The following ACTR6 variants were observed in gnomAD, a reference collection of about 807,000 sequenced individuals.
ACTR6 encodes actin related protein 6.
ACTR6 carries 50 observed loss-of-function variants against 52.5 expected under a neutral mutation model. That is an observed-to-expected ratio of 0.95 (90% CI 0.76 to 1.20). ACTR6 has a LOEUF of 1.20. ACTR6 is among the 50% of genes most tolerant of loss of function. ACTR6 has a pLI of 0.00. For missense variants in ACTR6, 344 were observed against 472.4 expected (o/e 0.73, Z 2.52); for synonymous variants, 135 against 147.2 (o/e 0.92, Z 0.60).
intron 10 of ACTR6, among the ~76,000 whole-genome samples, chr12:100,220,720 C>T (rs860459): frequency 0.12 from 17,560 of 152,184 alleles, 1,297 homozygotes; most frequent in Middle Eastern, 0.19. Flanking sequence ...TAGGGCCAGG[C>T]GCAGTGGCTC....
intron 10 of ACTR6, chr12:100,221,937 T>G (rs1281895963): frequency 2.6e-5 from 4 of 151,412 alleles, no homozygotes; most frequent in African/African-American, 4.9e-5. Flanking sequence ...TTTTGGGGGG[T>G]TTTTAAAATT....
In ACTR6 at chr12:100,205,079, C is replaced by T. The variant is rs202129245; in HGVS notation, c.186+22C>T. The T allele has an allele frequency of 5.1e-4, 712 of 1,408,438 alleles. 2 individuals carry two copies. Among genetic ancestry groups the T allele is most frequent in the Admixed American group, 1.2e-3 (61 of 51,750 alleles). 87.2% of individuals were successfully genotyped at this position (1,408,438 alleles called of 1,614,324 possible). On this transcript the variant is annotated intron_variant, in intron 2 of 10. Transcript: ENST00000188312. Reference sequence around the variant, plus strand: ...AAAGGTAATCCAATTAATTATGTTTCATTTCTAGCATTGTAGACCTAAATT... The same window carrying T: ...AAAGGTAATCCAATTAATTATGTTTTATTTCTAGCATTGTAGACCTAAATT...
At chr12:100,210,476 T>A in intron 6 of ACTR6, 125 bp downstream of exon 6, 1 of 1,052,096 alleles carries the variant, frequency 9.5e-7, no homozygotes, top group South Asian at 1.5e-5. Context: ...CCCAGCACAT[T>A]GGGAGGCCGA....
intron 1 of ACTR6, 69 bp downstream of exon 1, chr12:100,200,988 C>T: frequency 1.2e-6 from 2 of 1,611,300 alleles, no homozygotes; most frequent in South Asian, 2.2e-5. Flanking sequence ...CGTTTCATCT[C>T]CGGACATCAA....
intron 1 of ACTR6, among the ~76,000 whole-genome samples, chr12:100,202,330 T>G (rs1392266430): frequency 2.0e-5 from 3 of 152,104 alleles, no homozygotes; most frequent in Non-Finnish European, 4.4e-5. Flanking sequence ...GGAAGGAAGC[T>G]AAATAATCAG....
rs150092854 is a variant in ACTR6 at position 100,212,470 on chromosome 12, C to G, written c.692C>G (p.Thr231Arg). 4 of 1,613,386 alleles carry G rather than the reference C, an allele frequency of 2.5e-6. No individual in the cohort carries two copies. Among genetic ancestry groups the G allele is most frequent in the Non-Finnish European group, 3.4e-6 (4 of 1,179,632 alleles). Residue 231 changes from threonine (T) to arginine (R), a missense_variant, in exon 8 of 11, where the codon ACA becomes AGA. Coordinates refer to ENST00000188312, the MANE Select transcript of ACTR6 (RefSeq NM_022496.5). ...TCCAGGTTGAAAGGAGAAGAAAATA[C>G]AGTAATGATAGACTATGTCTTGCCT... ...DIAKLKGEEN[T>R]VMIDYVLPDF...
In ACTR6 at chr12:100,205,015, A is replaced by C; in HGVS notation, c.144A>C (p.Ile48=). 1 of 1,611,612 alleles carries C rather than the reference A, an allele frequency of 6.2e-7. No individual in the cohort carries two copies. The highest frequency in any genetic ancestry group is 8.5e-7 in the Non-Finnish European group (1 of 1,178,070). The part of the protein sequence containing the change: ...KTFTANQIDE[I]KDPSGLFYIL... ...TTACTGCCAACCAGATAGATGAAAT[A>C]AAAGACCCTTCTGGACTCTTTTACA... Residue 48 remains isoleucine, a synonymous_variant, in exon 2 of 11, where the codon ATA becomes ATC. Transcript: ENST00000188312.
intron 8 of ACTR6, among the ~76,000 whole-genome samples, chr12:100,216,152 G>A (rs2096123729): frequency 6.6e-6 from 1 of 152,182 alleles, no homozygotes; most frequent in Non-Finnish European, 1.5e-5. Flanking sequence ...AATTGTACTG[G>A]AACTAACTTT....
At chr12:100,205,132 G>A in intron 2 of ACTR6, 75 bp downstream of exon 2, 1 of 964,916 alleles carries the variant, frequency 1.0e-6, no homozygotes, top group South Asian at 1.9e-5. Flanking sequence ...GTATATAAAA[G>A]GCTGTGTGTA....
chr12:100,207,590 T>A (rs2096115915), intron 3 of ACTR6, 73 bp from the exon 4 acceptor site: 20 of 1,258,848 alleles, frequency 1.6e-5, no homozygotes, highest in Non-Finnish European at 2.2e-5. Flanking sequence ...TAAATAAATT[T>A]GTTTGTACAT....
rs990107316 is a variant in ACTR6, at chr12:100,207,713, C to T, written c.306C>T (p.Phe102=). The T allele has an allele frequency of 1.9e-6, 3 of 1,587,390 alleles. No individual in the cohort carries two copies. The highest frequency in any genetic ancestry group is 1.1e-5 in the South Asian group (1 of 89,930). The part of the protein sequence containing the change: ...NIIITEPYFN[F]TSIQESMNEI... ...TTATCACTGAACCATACTTTAACTT[C>T]ACTTCAATTCAAGAATCAATGAATG... The change falls in exon 4 of 11, where the codon TTC becomes TTT. Residue 102 remains phenylalanine (F), a synonymous_variant. Transcript: ENST00000188312.
At chr12:100,203,239 T>C (rs892224457) in intron 1 of ACTR6, among the ~76,000 whole-genome samples, 2 of 152,154 alleles carry the variant, frequency 1.3e-5, no homozygotes, top group Admixed American at 6.5e-5. Flanking sequence ...CCACAAGCCC[T>C]GCGGTTGGGG....
intron 8 of ACTR6, among the ~76,000 whole-genome samples, chr12:100,212,788 T>G (rs1313314288): frequency 2.0e-5 from 3 of 152,102 alleles, no homozygotes; most frequent in Middle Eastern, 3.4e-3. Context: ...GGTGGATCAC[T>G]AGGTCAGGAG....
intron 1 of ACTR6, chr12:100,204,153 G>C (rs890765441): frequency 6.6e-6 from 1 of 152,066 alleles, no homozygotes; most frequent in Non-Finnish European, 1.5e-5. Context: ...AAATGGGGGA[G>C]GGGCATTTTT....
At chr12:100,211,489 C>A (rs569420000) in intron 6 of ACTR6, among the ~76,000 whole-genome samples, 2 of 152,144 alleles carry the variant, frequency 1.3e-5, no homozygotes, top group South Asian at 2.1e-4. Flanking sequence ...CCCAAGCTGG[C>A]CTTAAACTCG....
At position 100,223,862 on chromosome 12, in the gene ACTR6, G is replaced by A. The variant is rs1156682211; in HGVS notation, c.1138G>A (p.Glu380Lys). 1 of 1,611,140 alleles carries A rather than the reference G, an allele frequency of 6.2e-7. No homozygotes were observed. The highest frequency in any genetic ancestry group is 8.5e-7 in the Non-Finnish European group (1 of 1,179,210). Residue 380 changes from glutamate to lysine, a missense_variant, in exon 11 of 11, where the codon GAA becomes AAA. By Grantham distance (56) the Glu-to-Lys change is moderately conservative. Transcript: ENST00000188312. ...TTTTGAAGATATGGTGGTAACAAGA[G>A]AAGATTACGAAGAAAATGGACATAG... ...DDFEDMVVTR[E>K]DYEENGHSVC...
intron 10 of ACTR6, among the ~76,000 whole-genome samples, chr12:100,222,568 T>TA (rs1180990054): frequency 1.3e-5 from 2 of 152,088 alleles, no homozygotes; most frequent in African/African-American, 4.8e-5. Context: ...TTTGTTTTAA[T>TA]AGAGACAAAG....
intron 1 of ACTR6, chr12:100,203,852 T>C (rs1473088781): frequency 6.6e-6 from 1 of 152,120 alleles, no homozygotes; most frequent in African/African-American, 2.4e-5. Context: ...GGTTTCACCG[T>C]GTTAGCCAGG....
chr12:100,216,453 T>C (rs973176578), intron 8 of ACTR6, among the ~76,000 whole-genome samples: 3 of 152,262 alleles, frequency 2.0e-5, no homozygotes, highest in African/African-American at 7.2e-5. Context: ...CGTGAGCCAG[T>C]GTGCCCAGCC....
Sources: allele counts gnomAD v4.1 joint callset (sites outside exome capture counted in the v4.1 genomes callset), GRCh38; gene constraint gnomAD v4.1.1; transcripts MANE v1.5; gene names NCBI Gene and HGNC (gene_info 2026-07-23, HGNC 2026-07-21).